GDPD5: variants seen among roughly 807,000 people sequenced by gnomAD.
The protein encoded by GDPD5 is glycerophosphodiester phosphodiesterase 2.
In GDPD5, 48 loss-of-function variants were observed where a neutral mutation model predicts 75.1. The observed-to-expected ratio is 0.64, with a 90% CI of 0.51 to 0.81. GDPD5 has a LOEUF of 0.81. GDPD5 is among the 40% of genes least tolerant of loss of function. GDPD5 has a pLI of 0.00. For missense variants in GDPD5, 706 were observed against 822.6 expected (o/e 0.86, Z 1.73); for synonymous variants, 336 against 339.0 (o/e 0.99, Z 0.10).
chr11:75,455,983 G>A lies in GDPD5; in HGVS notation c.375+774C>T, dbSNP rs919080423. 1.9e-4 allele frequency among the ~76,000 whole-genome samples: 29 copies of A among 152,330 alleles called. 4 individuals are homozygous for A. Among genetic ancestry groups the A allele is most frequent in the Admixed American group, 1.2e-3 (18 of 15,300 alleles). ...GTGGGTCGGGGTCAGGGAGCCAGAC[G>A]AATACTGAAAACACAAAAACATAGC... On this transcript the variant is annotated intron_variant, in intron 6 of 16. Transcript: ENST00000336898.
chr11:75,489,757 A>G (rs146506601), intron 2 of GDPD5, among the ~76,000 whole-genome samples: 5,285 of 137,704 alleles, frequency 0.038, 245 homozygotes, highest in African/African-American at 0.1. Flanking sequence ...TTTTTTTTTT[A>G]GAGACACAGT....
chr11:75,449,456 C>A (rs1949072711), intron 8 of GDPD5, 61 bp downstream of exon 8: 2 of 1,474,522 alleles, frequency 1.4e-6, no homozygotes, highest in Non-Finnish European at 9.3e-7. Context: ...GTCGGGGCAG[C>A]ACCAGCTGGT....
chr11:75,449,707 C>G, intron 7 of GDPD5, 97 bp from the exon 8 acceptor site: 1 of 1,342,214 alleles, frequency 7.5e-7, no homozygotes, highest in Non-Finnish European at 1.0e-6. Flanking sequence ...GCAGGCAACC[C>G]TGTCTCCATC....
Position 75,483,423 on chromosome 11 carries a change from C to G in GDPD5, c.-60-5628G>C, listed in dbSNP as rs572715277. Among the ~76,000 whole-genome samples, 207 of 152,310 alleles carry G rather than the reference C, an allele frequency of 1.4e-3. 1 individual carries two copies. Among genetic ancestry groups the G allele is most frequent in the Non-Finnish European group, 2.5e-3 (167 of 68,032 alleles). On this transcript the variant is annotated intron_variant, in intron 2 of 16. Coordinates refer to ENST00000336898, the MANE Select transcript of GDPD5 (RefSeq NM_030792.8). ...CACCTCCGGCGTCCTGTCTCATCCT[C>G]ACATCCCGGGACGCACTGGCCTGCT... is the stretch of plus-strand genomic sequence containing the variant.
chr11:75,469,112 C>T (rs1354732808), intron 3 of GDPD5, among the ~76,000 whole-genome samples: 2 of 152,222 alleles, frequency 1.3e-5, no homozygotes, highest in African/African-American at 4.8e-5. Context: ...TGAGGACAGC[C>T]AGGTTGATTG....
At chr11:75,441,392 G>A in intron 13 of GDPD5, 82 bp from the exon 14 acceptor site, 1 of 1,537,032 alleles carries the variant, frequency 6.5e-7, no homozygotes, top group Admixed American at 1.7e-5. Context: ...AGCACGTCCT[G>A]TTCACGACCT....
chr11:75,523,427 C>T (rs1941541982), intron 1 of GDPD5, among the ~76,000 whole-genome samples: 1 of 152,214 alleles, frequency 6.6e-6, no homozygotes, highest in Non-Finnish European at 1.5e-5. Flanking sequence ...GGTTTTACCT[C>T]TCTGAGCTTC....
intron 3 of GDPD5, among the ~76,000 whole-genome samples, chr11:75,466,762 G>GC (rs1376913270): frequency 6.6e-6 from 1 of 152,198 alleles, no homozygotes; most frequent in Non-Finnish European, 1.5e-5. Flanking sequence ...CACATGGCGG[G>GC]CGGGTGTGTC....
At chr11:75,452,705 T>A (rs1465636881) in intron 6 of GDPD5, 1 of 152,058 alleles carries the variant, frequency 6.6e-6, no homozygotes, top group Admixed American at 6.5e-5. Flanking sequence ...TGGAGAGAAG[T>A]CTGAATTCAC....
At chr11:75,498,372 G>A (rs1446163253) in intron 1 of GDPD5, among the ~76,000 whole-genome samples, 2 of 152,234 alleles carry the variant, frequency 1.3e-5, no homozygotes, top group Non-Finnish European at 2.9e-5. Flanking sequence ...AACACAGAGT[G>A]GGTGGGCTAG....
chr11:75,506,386 C>T (rs531587164), intron 1 of GDPD5, among the ~76,000 whole-genome samples: 10 of 152,114 alleles, frequency 6.6e-5, no homozygotes, highest in African/African-American at 1.7e-4. Context: ...AGAGCAACCC[C>T]GGGGAAGTCC....
At position 75,477,782 on chromosome 11, in the gene GDPD5, GC is replaced by G. The variant is rs772365086; in HGVS notation, c.-48del. On this transcript the variant is annotated 5_prime_UTR_variant, in exon 3 of 17. Transcript: ENST00000336898. ...GCCTGGCCCTCAGGCGCCCATGGAGGCCCCCAGCTTGTCCTGCAGGAGGAAG... is the reference window on the plus strand; with the variant it reads ...GCCTGGCCCTCAGGCGCCCATGGAGGCCCCAGCTTGTCCTGCAGGAGGAAG... 5.1e-6 allele frequency: 7 copies of G among 1,365,402 alleles called. No individual in the cohort carries two copies. The highest frequency in any genetic ancestry group is 4.2e-5 in the South Asian group (3 of 72,098). 84.6% of individuals were successfully genotyped at this position (1,365,402 alleles called of 1,614,324 possible).
intron 4 of GDPD5, 116 bp downstream of exon 4, chr11:75,462,670 G>A (rs1185959650): frequency 2.7e-6 from 2 of 733,168 alleles, no homozygotes; most frequent in Non-Finnish European, 2.4e-6. Context: ...CAGAGAGCTG[G>A]TGGCAGAGCT....
chr11:75,490,821 AC>A (rs1285027169), intron 1 of GDPD5: 1 of 152,318 alleles, frequency 6.6e-6, no homozygotes, highest in Non-Finnish European at 1.5e-5. Context: ...GCTCTGACTC[AC>A]GCACCACCTC....
intron 3 of GDPD5, among the ~76,000 whole-genome samples, chr11:75,471,170 G>C (rs921441780): frequency 6.6e-6 from 1 of 152,228 alleles, no homozygotes; most frequent in Non-Finnish European, 1.5e-5. Context: ...ACTGATGCAC[G>C]GGAAAGCCTG....
At chr11:75,522,325 A>T (rs749859525) in intron 1 of GDPD5, among the ~76,000 whole-genome samples, 31 of 152,208 alleles carry the variant, frequency 2.0e-4, no homozygotes, top group Non-Finnish European at 4.3e-4. Flanking sequence ...GCGGTGGCAC[A>T]GCCAGGATTC....
chr11:75,464,479 G>A (rs556600544), intron 3 of GDPD5, among the ~76,000 whole-genome samples: 2 of 152,276 alleles, frequency 1.3e-5, no homozygotes, highest in East Asian at 1.9e-4. Context: ...GGCCTGCTCC[G>A]TGCCTCGCCC....
chr11:75,438,344 C>T (rs1372500283), intron 15 of GDPD5: 3 of 152,328 alleles, frequency 2.0e-5, no homozygotes, highest in Admixed American at 6.5e-5. Context: ...CCTTCCTCCA[C>T]CAGGCCTCTC....
intron 1 of GDPD5, among the ~76,000 whole-genome samples, chr11:75,501,077 C>T (rs1347510930): frequency 6.6e-6 from 1 of 152,210 alleles, no homozygotes; most frequent in Non-Finnish European, 1.5e-5. Context: ...GACCCTGGGT[C>T]CCCAACACCG....
Sources: gnomAD v4.1 joint callset for allele counts (sites outside exome capture counted in the v4.1 genomes callset) on GRCh38, gnomAD v4.1.1 for gene constraint, MANE v1.5 for transcripts, NCBI Gene and HGNC (gene_info 2026-07-23, HGNC 2026-07-21) for gene names.